Variants in BACH2 observed in about 807,000 individuals in gnomAD.
BACH2 encodes transcription regulator protein BACH2.
In BACH2, 5 loss-of-function variants were observed where a neutral mutation model predicts 61.8. The ratio of observed to expected loss-of-function variants is 0.08; its 90% CI spans 0.04 to 0.17. BACH2 has a LOEUF of 0.17. Ranked by LOEUF, BACH2 falls within the 10% of genes least tolerant of loss-of-function variation. The pLI, the probability that BACH2 is intolerant of heterozygous loss-of-function variation, is 1.00. For synonymous variants in BACH2, 446 were observed against 440.1 expected (o/e 1.01, Z -0.17); for missense variants, 824 against 1,091.1 (o/e 0.76, Z 3.45).
intron 6 of BACH2, among the ~76,000 whole-genome samples, chr6:89,967,105 G>GCT (rs1775087382): frequency 6.6e-6 from 1 of 152,166 alleles, no homozygotes; most frequent in Non-Finnish European, 1.5e-5. Context: ...GCTGAAACAC[G>GCT]CTTTTCACAC....
intron 5 of BACH2, among the ~76,000 whole-genome samples, chr6:90,051,729 T>C: frequency 6.6e-6 from 1 of 152,148 alleles, no homozygotes; most frequent in East Asian, 1.9e-4. Flanking sequence ...CAAAGTTAGC[T>C]TCTTAATTTT....
At chr6:89,949,557 G>A (rs932372487) in intron 7 of BACH2, among the ~76,000 whole-genome samples, 7 of 152,082 alleles carry the variant, frequency 4.6e-5, no homozygotes, top group African/African-American at 1.7e-4. Flanking sequence ...GGAGCCTCTG[G>A]ACATTTTTCC....
At chr6:90,124,269 T>C (rs1000996909) in intron 4 of BACH2, among the ~76,000 whole-genome samples, 1 of 152,230 alleles carries the variant, frequency 6.6e-6, no homozygotes, top group Non-Finnish European at 1.5e-5. Context: ...ATTGTTTATG[T>C]AAAGCTTGAT....
intron 3 of BACH2, among the ~76,000 whole-genome samples, chr6:90,217,308 G>A (rs900247648): frequency 3.3e-5 from 5 of 152,098 alleles, no homozygotes; most frequent in South Asian, 2.1e-4. Flanking sequence ...CACTAAAACC[G>A]TCTAAATAAC....
At chr6:90,279,546 A>C (rs1194341580) in intron 1 of BACH2, among the ~76,000 whole-genome samples, 1 of 150,198 alleles carries the variant, frequency 6.7e-6, no homozygotes, top group Non-Finnish European at 1.5e-5. Context: ...AAAAGTCTAC[A>C]CTACTTTATC....
chr6:90,205,710 C>T (rs995029094), intron 4 of BACH2, among the ~76,000 whole-genome samples: 14 of 152,206 alleles, frequency 9.2e-5, no homozygotes, highest in African/African-American at 3.1e-4. Context: ...CCCACCTTCC[C>T]TGTCCAGGAA....
At chr6:89,959,494 GT>G (rs34971606) in intron 6 of BACH2, among the ~76,000 whole-genome samples, 31,412 of 151,900 alleles carry the variant, frequency 0.21, 3,300 homozygotes, top group South Asian at 0.27. Flanking sequence ...TGTACTTGTA[GT>G]TTTTTCCTAA....
intron 5 of BACH2, among the ~76,000 whole-genome samples, chr6:90,053,643 T>C (rs1267021125): frequency 2.0e-5 from 3 of 152,228 alleles, no homozygotes; most frequent in Admixed American, 6.5e-5. Flanking sequence ...TTAGGTTTTG[T>C]ACGTCTGAAG....
chr6:90,070,663 C>T (rs142695815), intron 5 of BACH2, among the ~76,000 whole-genome samples: 2 of 152,338 alleles, frequency 1.3e-5, no homozygotes, highest in Non-Finnish European at 2.9e-5. Context: ...ACTCTCATTC[C>T]AGTAGCAGAG....
chr6:90,094,716 G>C (rs1395198767), intron 4 of BACH2, among the ~76,000 whole-genome samples: 1 of 152,128 alleles, frequency 6.6e-6, no homozygotes, highest in Non-Finnish European at 1.5e-5. Context: ...ATTTTGCTCA[G>C]CATCCCAAGG....
chr6:89,944,834 C>T (rs1263450715), intron 7 of BACH2, among the ~76,000 whole-genome samples: 2 of 152,146 alleles, frequency 1.3e-5, no homozygotes, highest in East Asian at 1.9e-4. Flanking sequence ...TGCTTCTTTA[C>T]TAAAATCTAC....
intron 3 of BACH2, among the ~76,000 whole-genome samples, chr6:90,214,684 A>C (rs952561723): frequency 6.6e-6 from 1 of 151,690 alleles, no homozygotes; most frequent in East Asian, 1.9e-4. Flanking sequence ...TAATCTGCAG[A>C]AGAAAACTCT....
chr6:90,162,502 C>T (rs762249126), intron 4 of BACH2, among the ~76,000 whole-genome samples: 1 of 151,922 alleles, frequency 6.6e-6, no homozygotes, highest in Admixed American at 6.6e-5. Flanking sequence ...ATTAGCTGGG[C>T]GTGGTGGCAC....
chr6:89,927,604 C>T lies in BACH2; in HGVS notation c.*4804G>A, dbSNP rs1347967437. The T allele has an allele frequency of 6.5e-6, 1 of 152,802 alleles. No homozygotes were observed. The highest frequency in any genetic ancestry group is 1.9e-4 in the East Asian group (1 of 5,332). The allele number at this position is 152,802 out of a possible 1,614,324, so 9.5% of individuals were successfully genotyped here. ...CCATTGCTTGACAGCAAAATGCATA[C>T]ACCGTGTCACAACATTAAATCAAAG... is the stretch of plus-strand genomic sequence containing the variant. On this transcript the variant is annotated 3_prime_UTR_variant, in exon 9 of 9. Coordinates refer to ENST00000257749, the MANE Select transcript of BACH2 (RefSeq NM_021813.4).
chr6:90,083,141 C>G (rs1781792254), intron 5 of BACH2, among the ~76,000 whole-genome samples: 1 of 152,136 alleles, frequency 6.6e-6, no homozygotes, highest in African/African-American at 2.4e-5. Context: ...CTGCAATGCC[C>G]TGGGTTAAAT....
intron 4 of BACH2, among the ~76,000 whole-genome samples, chr6:90,175,390 T>C (rs1767952695): frequency 6.6e-6 from 1 of 152,232 alleles, no homozygotes; most frequent in Non-Finnish European, 1.5e-5. Context: ...TACAACCATT[T>C]TGTTTTCACA....
chr6:89,982,912 C>A (rs1776038571), intron 6 of BACH2, among the ~76,000 whole-genome samples: 1 of 152,156 alleles, frequency 6.6e-6, no homozygotes, highest in Non-Finnish European at 1.5e-5. Flanking sequence ...CCCATTCCTG[C>A]AGAATGTTTT....
chr6:90,239,414 GA>G (rs1326947173), intron 3 of BACH2, among the ~76,000 whole-genome samples: 23 of 152,162 alleles, frequency 1.5e-4, no homozygotes, highest in African/African-American at 4.8e-4. Flanking sequence ...AGGTCAACTA[GA>G]AAACAAGCGA....
intron 4 of BACH2, among the ~76,000 whole-genome samples, chr6:90,126,523 G>C (rs546772616): frequency 1.3e-5 from 2 of 152,308 alleles, no homozygotes; most frequent in African/African-American, 4.8e-5. Context: ...AGAAACAAAA[G>C]AGTGAACATG....
Sources: gnomAD v4.1 joint callset for allele counts (sites outside exome capture counted in the v4.1 genomes callset) on GRCh38, gnomAD v4.1.1 for gene constraint, MANE v1.5 for transcripts, NCBI Gene and HGNC (gene_info 2026-07-23, HGNC 2026-07-21) for gene names.